MACROD2: variants seen among roughly 807,000 people sequenced by gnomAD.
MACROD2 encodes ADP-ribose glycohydrolase MACROD2.
In MACROD2, 36 loss-of-function variants were observed where a neutral mutation model predicts 70.4. The observed-to-expected ratio is 0.51, with a 90% CI of 0.39 to 0.68. The LOEUF (loss-of-function observed/expected upper bound fraction) is 0.68. MACROD2 is among the 30% of genes least tolerant of loss of function. The pLI is 0.00. For missense variants in MACROD2, 496 were observed against 538.4 expected (o/e 0.92, Z 0.78); for synonymous variants, 172 against 178.8 (o/e 0.96, Z 0.30).
chr20:15,674,694 A>G lies in MACROD2; in HGVS notation c.645+174847A>G, dbSNP rs561256206. On this transcript the variant is annotated intron_variant, in intron 8 of 17. Coordinates refer to ENST00000684519, the MANE Select transcript of MACROD2 (RefSeq NM_001351661.2). Reference sequence around the variant, plus strand: ...TCCTCGCATGGTAGGCATTTTACACATATTTGTCAAACTGTAGCCAAAAAG... The same window carrying G: ...TCCTCGCATGGTAGGCATTTTACACGTATTTGTCAAACTGTAGCCAAAAAG... Among the ~76,000 whole-genome samples, 414 of 152,022 alleles carry G rather than the reference A, an allele frequency of 2.7e-3. 2 individuals carry two copies. The highest frequency in any genetic ancestry group is 4.2e-3 in the Non-Finnish European group (284 of 67,990).
intron 5 of MACROD2, among the ~76,000 whole-genome samples, chr20:14,760,013 T>C (rs1011132864): frequency 2.6e-5 from 4 of 152,210 alleles, no homozygotes; most frequent in African/African-American, 9.6e-5. Flanking sequence ...AGCAGAGGCA[T>C]CTGAGTAAGG....
At chr20:15,507,154 G>A (rs1441501177) in intron 8 of MACROD2, among the ~76,000 whole-genome samples, 2 of 152,174 alleles carry the variant, frequency 1.3e-5, no homozygotes, top group African/African-American at 4.8e-5. Context: ...GATACGCTGT[G>A]TCGCTTTTGC....
chr20:14,500,512 C>T (rs2084904870), intron 4 of MACROD2, among the ~76,000 whole-genome samples: 1 of 152,182 alleles, frequency 6.6e-6, no homozygotes, highest in Admixed American at 6.5e-5. Context: ...CCTGATTGCT[C>T]TAATCTTGCC....
In MACROD2 at chr20:15,944,680, GA is replaced by G. The variant is rs753532281; in HGVS notation, c.907+7138del. Reference sequence around the variant, plus strand: ...TCTGTAAGAAAATTCTAGTAAATGTGAATGCATGCAAATTTGTGTGTTTTCT... The same window carrying G: ...TCTGTAAGAAAATTCTAGTAAATGTGATGCATGCAAATTTGTGTGTTTTCT... On this transcript the variant is annotated intron_variant, in intron 12 of 17. Transcript: ENST00000684519. Among the ~76,000 whole-genome samples the G allele has an allele frequency of 2.1e-4, 32 of 152,144 alleles. 1 individual carries two copies. The highest frequency in any genetic ancestry group is 4.1e-4 in the Non-Finnish European group (28 of 67,976).
chr20:15,993,196 T>C (rs1004445891), intron 15 of MACROD2, among the ~76,000 whole-genome samples: 2 of 151,602 alleles, frequency 1.3e-5, no homozygotes, highest in African/African-American at 4.9e-5. Flanking sequence ...AAGGGAATCA[T>C]TAAGATGTTA....
intron 3 of MACROD2, among the ~76,000 whole-genome samples, chr20:14,242,275 C>T (rs2081936243): frequency 6.6e-6 from 1 of 152,060 alleles, no homozygotes; most frequent in Non-Finnish European, 1.5e-5. Context: ...ACAGACTTCA[C>T]GTTAACACTT....
chr20:14,232,854 A>G (rs890543088), intron 3 of MACROD2, among the ~76,000 whole-genome samples: 1 of 152,232 alleles, frequency 6.6e-6, no homozygotes, highest in Admixed American at 6.5e-5. Flanking sequence ...CCTAGCTTTC[A>G]GCTTGTCTTG....
rs115351141 is a variant in MACROD2, at chr20:15,295,712, C to T, written c.540+65651C>T. Among the ~76,000 whole-genome samples, 832 of 152,140 alleles carry T rather than the reference C, an allele frequency of 5.5e-3. 13 individuals carry two copies. Among genetic ancestry groups the T allele is most frequent in the African/African-American group, 0.019 (786 of 41,490 alleles). On this transcript the variant is annotated intron_variant, in intron 6 of 17. Coordinates refer to ENST00000684519, the MANE Select transcript of MACROD2 (RefSeq NM_001351661.2). ...GCCACCACTCACACCCCCCAACTCACCAATCCTCCAGACATAATTGTGGAG... is the reference window on the plus strand; with the variant it reads ...GCCACCACTCACACCCCCCAACTCATCAATCCTCCAGACATAATTGTGGAG...
chr20:15,227,438 T>G (rs2145976734), intron 5 of MACROD2, among the ~76,000 whole-genome samples: 1 of 152,144 alleles, frequency 6.6e-6, no homozygotes, highest in South Asian at 2.1e-4. Flanking sequence ...TTGCTCAATG[T>G]TTTTTATTAC....
intron 5 of MACROD2, among the ~76,000 whole-genome samples, chr20:15,158,432 T>C (rs377447637): frequency 5.3e-5 from 8 of 152,190 alleles, no homozygotes; most frequent in African/African-American, 1.9e-4. Context: ...TTCCTGATTT[T>C]ACAGGTGAGA....
rs561267059 is a variant in MACROD2, at chr20:14,187,716, T to G, written c.271+101988T>G. 7.2e-5 allele frequency among the ~76,000 whole-genome samples: 11 copies of G among 152,328 alleles called. No individual in the cohort carries two copies. In the East Asian group the frequency reaches 1.3e-3, roughly 19 times the overall value. On this transcript the variant is annotated intron_variant, in intron 3 of 17. Coordinates refer to ENST00000684519, the MANE Select transcript of MACROD2 (RefSeq NM_001351661.2). Reference sequence around the variant, plus strand: ...GTTAATAAGTGGATCAAGTTAACTTTGTAAGGACCAATTAGTCTTAGCCAA... The same window carrying G: ...GTTAATAAGTGGATCAAGTTAACTTGGTAAGGACCAATTAGTCTTAGCCAA...
intron 1 of MACROD2, among the ~76,000 whole-genome samples, chr20:13,997,254 T>C (rs1195590204): frequency 6.6e-6 from 1 of 152,216 alleles, no homozygotes; most frequent in African/African-American, 2.4e-5. Flanking sequence ...TCGAGAGTAA[T>C]AGCCTGATAG....
At chr20:16,041,654 C>T (rs918110256) in intron 16 of MACROD2, among the ~76,000 whole-genome samples, 8 of 151,942 alleles carry the variant, frequency 5.3e-5, no homozygotes, top group Non-Finnish European at 1.0e-4. Flanking sequence ...ACTCAGCATT[C>T]GGGAGAGCCC....
intron 3 of MACROD2, among the ~76,000 whole-genome samples, chr20:14,183,071 A>G (rs2081317723): frequency 6.8e-6 from 1 of 148,106 alleles, no homozygotes; most frequent in Non-Finnish European, 1.5e-5. Flanking sequence ...TATTTGTTAC[A>G]TAGGTAAACT....
intron 2 of MACROD2, among the ~76,000 whole-genome samples, chr20:14,072,150 A>G (rs2053853086): frequency 6.6e-6 from 1 of 152,226 alleles, no homozygotes; most frequent in East Asian, 1.9e-4. Flanking sequence ...AGCAGAAACT[A>G]CTGACACCTT....
chr20:14,293,953 A>G (rs2082407101), intron 3 of MACROD2, among the ~76,000 whole-genome samples: 1 of 151,824 alleles, frequency 6.6e-6, no homozygotes, highest in African/African-American at 2.4e-5. Context: ...AAAATGGTGA[A>G]TGAATATTAG....
chr20:15,582,484 C>A (rs762981670), intron 8 of MACROD2, among the ~76,000 whole-genome samples: 2 of 152,148 alleles, frequency 1.3e-5, no homozygotes, highest in Non-Finnish European at 2.9e-5. Flanking sequence ...ATATCTGTAA[C>A]TGAGAGTGCT....
At chr20:14,717,139 G>T (rs1031470424) in intron 5 of MACROD2, among the ~76,000 whole-genome samples, 1 of 151,956 alleles carries the variant, frequency 6.6e-6, no homozygotes, top group Non-Finnish European at 1.5e-5. Context: ...TGAGATCTTC[G>T]AGTTTTTAAC....
intron 6 of MACROD2, among the ~76,000 whole-genome samples, chr20:15,316,302 A>G (rs199907488): frequency 6.6e-6 from 1 of 151,834 alleles, no homozygotes; most frequent in Admixed American, 6.6e-5. Flanking sequence ...GATTCCAGAG[A>G]TTACTTTAGA....
Sources: gnomAD v4.1 joint callset for allele counts (sites outside exome capture counted in the v4.1 genomes callset) on GRCh38, gnomAD v4.1.1 for gene constraint, MANE v1.5 for transcripts, NCBI Gene and HGNC (gene_info 2026-07-23, HGNC 2026-07-21) for gene names.